The following CAP2 variants were observed in gnomAD, a reference collection of about 807,000 sequenced individuals.
CAP2 encodes adenylyl cyclase-associated protein 2.
In CAP2, 24 loss-of-function variants were observed where a neutral mutation model predicts 57.7. The observed-to-expected ratio is 0.42, with a 90% CI of 0.30 to 0.58. CAP2 has a LOEUF of 0.58. Ranked by LOEUF, CAP2 falls within the 20% of genes least tolerant of loss-of-function variation. The probability of loss-of-function intolerance (pLI) is 0.22; values close to 1 mark genes in which losing one functional copy is unlikely to be tolerated. For synonymous variants in CAP2, 194 were observed against 207.2 expected (o/e 0.94, Z 0.55); for missense variants, 501 against 590.3 (o/e 0.85, Z 1.57).
intron 11 of CAP2, among the ~76,000 whole-genome samples, chr6:17,549,402 G>A (rs546818866): frequency 6.6e-6 from 1 of 152,248 alleles, no homozygotes; most frequent in East Asian, 1.9e-4. Flanking sequence ...GGCAGAGGTT[G>A]TGGTGAGCCA....
chr6:17,539,195 C>T (rs1213857643), intron 7 of CAP2, 74 bp from the exon 8 acceptor site: 15 of 1,423,762 alleles, frequency 1.1e-5, no homozygotes, highest in African/African-American at 1.4e-5. Context: ...CAGCAGGTTT[C>T]GACTCTCTCG....
At chr6:17,402,436 C>A (rs1294427250) in intron 1 of CAP2, among the ~76,000 whole-genome samples, 2 of 152,092 alleles carry the variant, frequency 1.3e-5, no homozygotes, top group East Asian at 3.8e-4. Context: ...TGAGCAGAGA[C>A]CCTTTTGCAA....
At chr6:17,427,935 A>G (rs1759633467) in intron 3 of CAP2, among the ~76,000 whole-genome samples, 1 of 152,224 alleles carries the variant, frequency 6.6e-6, no homozygotes, top group African/African-American at 2.4e-5. Flanking sequence ...GGCAGTGCCT[A>G]GGGCGGTCAA....
chr6:17,527,598 T>TTTC (rs1762539543), intron 7 of CAP2, among the ~76,000 whole-genome samples: 2 of 12,282 alleles, frequency 1.6e-4, no homozygotes, highest in Admixed American at 9.6e-4. Flanking sequence ...GTTCTCTTTC[T>TTTC]TTTTTTTTTT....
intron 1 of CAP2, among the ~76,000 whole-genome samples, chr6:17,420,276 C>T (rs1759404421): frequency 6.6e-6 from 1 of 152,192 alleles, no homozygotes; most frequent in Non-Finnish European, 1.5e-5. Flanking sequence ...AACCACCCCA[C>T]CTAAGACTAA....
intron 7 of CAP2, among the ~76,000 whole-genome samples, chr6:17,522,360 T>C (rs933686479): frequency 6.6e-6 from 1 of 152,224 alleles, no homozygotes; most frequent in African/African-American, 2.4e-5. Context: ...ACTTACCATG[T>C]ACCAAGCACA....
At position 17,542,934 on chromosome 6, in the gene CAP2, AAGG is replaced by A; in HGVS notation, c.1101_1103del (p.Gly368del). The A allele has an allele frequency of 6.2e-7, 1 of 1,613,862 alleles. No individual in the cohort carries two copies. ...TGCGAAAAATCAACTATTCAGATAAAAGGGAAAGTAAACTCCATTATAATTGGT... is the reference window on the plus strand; with the variant it reads ...TGCGAAAAATCAACTATTCAGATAAAGAAAGTAAACTCCATTATAATTGGT... On this transcript the variant is annotated inframe_deletion, in exon 10 of 13. Coordinates refer to ENST00000229922, the MANE Select transcript of CAP2 (RefSeq NM_006366.3).
At chr6:17,518,620 G>A (rs181318030) in intron 7 of CAP2, among the ~76,000 whole-genome samples, 41 of 152,028 alleles carry the variant, frequency 2.7e-4, no homozygotes, top group Non-Finnish European at 5.3e-4. Context: ...ACAGTATTCA[G>A]AGATTTTTTT....
chr6:17,544,965 G>A (rs192294956), intron 11 of CAP2, among the ~76,000 whole-genome samples: 12 of 152,244 alleles, frequency 7.9e-5, no homozygotes, highest in Admixed American at 3.9e-4. Context: ...GAAAAAGCCC[G>A]GTACTTCAAG....
chr6:17,397,529 C>T (rs951834537), intron 1 of CAP2, among the ~76,000 whole-genome samples: 17 of 151,628 alleles, frequency 1.1e-4, no homozygotes, highest in Non-Finnish European at 1.9e-4. Flanking sequence ...CCCATCTCTA[C>T]TAAAAAATAC....
At chr6:17,458,455 A>G (rs951055200) in intron 3 of CAP2, among the ~76,000 whole-genome samples, 19 of 152,242 alleles carry the variant, frequency 1.2e-4, no homozygotes, top group Admixed American at 3.9e-4. Context: ...AGTGGGAAAA[A>G]ATACCCTTGG....
At chr6:17,410,060 G>A (rs551302235) in intron 1 of CAP2, among the ~76,000 whole-genome samples, 2 of 152,342 alleles carry the variant, frequency 1.3e-5, no homozygotes, top group South Asian at 4.1e-4. Context: ...TGCATATGGA[G>A]GCATAGGCGG....
At chr6:17,452,730 G>C (rs10949423) in intron 3 of CAP2, among the ~76,000 whole-genome samples, 1,970 of 152,140 alleles carry the variant, frequency 0.013, 48 homozygotes, top group African/African-American at 0.045. Context: ...GTAAAACAGC[G>C]CACTTATCAG....
At position 17,479,680 on chromosome 6, in the gene CAP2, C is replaced by T. The variant is rs535098404; in HGVS notation, c.300+16607C>T. Among the ~76,000 whole-genome samples the T allele has an allele frequency of 6.9e-5, 10 of 145,346 alleles. No individual in the cohort carries two copies. In the South Asian group the frequency reaches 8.7e-4, roughly 13 times the overall value. On this transcript the variant is annotated intron_variant, in intron 4 of 12. Coordinates refer to ENST00000229922, the MANE Select transcript of CAP2 (RefSeq NM_006366.3). ...AGGCTAGAGTGCAGTGGCACGATCT[C>T]GGCTCACTGCCAGCTCCGCCTGCCG...
At chr6:17,526,309 C>T (rs1043985173) in intron 7 of CAP2, among the ~76,000 whole-genome samples, 1 of 151,654 alleles carries the variant, frequency 6.6e-6, no homozygotes, top group Non-Finnish European at 1.5e-5. Flanking sequence ...GTAGAGACAG[C>T]GTTTCACCAT....
chr6:17,443,624 A>G (rs1351257901), intron 3 of CAP2, among the ~76,000 whole-genome samples: 9 of 151,470 alleles, frequency 5.9e-5, no homozygotes, highest in Admixed American at 6.6e-5. Flanking sequence ...CCACTCATCT[A>G]TGAATTCCTC....
At chr6:17,535,172 CACTTCCCAAT>C (rs2113692992) in intron 7 of CAP2, among the ~76,000 whole-genome samples, 1 of 152,176 alleles carries the variant, frequency 6.6e-6, no homozygotes, top group South Asian at 2.1e-4. Context: ...GATATTGCAC[CACTTCCCAAT>C]ACTTCTGTCG....
In CAP2 at chr6:17,541,140, T is replaced by C; in HGVS notation, c.994T>C (p.Trp332Arg). Reference sequence around the variant, plus strand: ...AGTGTTGGAGTTGGAAGGAAAGAAATGGAGAGTGGTAAGTGAAGCATTTTA... The same window carrying C: ...AGTGTTGGAGTTGGAAGGAAAGAAACGGAGAGTGGTAAGTGAAGCATTTTA... ...APVLELEGKK[W>R]RVEYQEDRND... The change falls in exon 9 of 13, where the codon TGG becomes CGG. Residue 332 changes from tryptophan to arginine, a missense_variant. Coordinates refer to ENST00000229922, the MANE Select transcript of CAP2 (RefSeq NM_006366.3). 6.2e-7 allele frequency: 1 copy of C among 1,612,602 alleles called. No individual in the cohort carries two copies. Among genetic ancestry groups the C allele is most frequent in the Non-Finnish European group, 8.5e-7 (1 of 1,179,110 alleles).
chr6:17,506,941 A>G (rs767476682), intron 4 of CAP2, among the ~76,000 whole-genome samples: 2 of 152,232 alleles, frequency 1.3e-5, no homozygotes, highest in Non-Finnish European at 2.9e-5. Context: ...AAGCCACAGC[A>G]TTAATAATGT....
Sources: gnomAD v4.1 joint callset for allele counts (sites outside exome capture counted in the v4.1 genomes callset) on GRCh38, gnomAD v4.1.1 for gene constraint, MANE v1.5 for transcripts, NCBI Gene and HGNC (gene_info 2026-07-23, HGNC 2026-07-21) for gene names.